Variants in IREB2 observed in about 807,000 individuals in gnomAD.
IREB2 encodes iron responsive element binding protein 2, also known as iron-responsive element-binding protein 2.
Under a neutral mutation model 118.8 loss-of-function variants are expected in IREB2, and 39 were observed. The observed-to-expected ratio is 0.33, with a 90% CI of 0.25 to 0.43. IREB2 has a LOEUF of 0.43. IREB2 is among the 20% of genes least tolerant of loss of function. The pLI, the probability that IREB2 is intolerant of heterozygous loss-of-function variation, is 1.00. For synonymous variants in IREB2, 372 were observed against 392.2 expected (o/e 0.95, Z 0.61); for missense variants, 900 against 1,147.3 (o/e 0.78, Z 3.11).
At chr15:78,495,977 T>C (rs1439011065) in intron 20 of IREB2, among the ~76,000 whole-genome samples, 1 of 152,198 alleles carries the variant, frequency 6.6e-6, no homozygotes, top group Non-Finnish European at 1.5e-5. Flanking sequence ...ACCTCTACTC[T>C]TGTGGAGTGG....
intron 2 of IREB2, among the ~76,000 whole-genome samples, chr15:78,448,593 T>A (rs1487456017): frequency 1.3e-5 from 2 of 152,242 alleles, no homozygotes; most frequent in Non-Finnish European, 1.5e-5. Flanking sequence ...CAGAAACACT[T>A]ACTTGACTCT....
chr15:78,465,210 A>G, intron 3 of IREB2, 41 bp from the exon 4 acceptor site: 1 of 1,546,106 alleles, frequency 6.5e-7, no homozygotes, highest in Non-Finnish European at 8.8e-7. Context: ...CATGTATAAA[A>G]AACAATTTGG....
intron 3 of IREB2, 67 bp downstream of exon 3, chr15:78,463,154 CTT>C: frequency 7.4e-7 from 1 of 1,347,376 alleles, no homozygotes; most frequent in Non-Finnish European, 1.0e-6. Context: ...AATACAGACT[CTT>C]GGGTAGGTGT....
intron 2 of IREB2, among the ~76,000 whole-genome samples, chr15:78,455,399 T>C (rs2051090233): frequency 6.6e-6 from 1 of 152,092 alleles, no homozygotes; most frequent in South Asian, 2.1e-4. Flanking sequence ...ACTTTATACC[T>C]GTTTGAAAGT....
Position 78,494,123 on chromosome 15 carries a change from T to C in IREB2, c.2473-19T>C. On this transcript the variant is annotated intron_variant, in intron 19 of 21. Transcript: ENST00000258886. ...TCAAAATTTGTATTAAAAAATTTTGTGTTTGTTTTAATCTACAGCTAGATG... is the reference window on the plus strand; with the variant it reads ...TCAAAATTTGTATTAAAAAATTTTGCGTTTGTTTTAATCTACAGCTAGATG... 6.2e-7 allele frequency: 1 copy of C among 1,612,758 alleles called. No homozygotes were observed. The highest frequency in any genetic ancestry group is 8.5e-7 in the Non-Finnish European group (1 of 1,179,566).
intron 16 of IREB2, among the ~76,000 whole-genome samples, chr15:78,489,910 A>AT (rs2051720682): frequency 6.6e-6 from 1 of 152,246 alleles, no homozygotes; most frequent in African/African-American, 2.4e-5. Context: ...ATTCTTAGAC[A>AT]TTAACAGCAT....
chr15:78,489,848 G>A (rs965647625), intron 16 of IREB2, among the ~76,000 whole-genome samples: 3 of 152,166 alleles, frequency 2.0e-5, no homozygotes, highest in East Asian at 1.9e-4. Context: ...GTTTGAAGGC[G>A]TTGATGTGGA....
At chr15:78,456,005 T>C (rs1284512890) in intron 2 of IREB2, among the ~76,000 whole-genome samples, 1 of 152,200 alleles carries the variant, frequency 6.6e-6, no homozygotes, top group Non-Finnish European at 1.5e-5. Flanking sequence ...AGTCTCATAA[T>C]AGGCTGCTGG....
intron 20 of IREB2, among the ~76,000 whole-genome samples, chr15:78,496,432 A>G (rs953212037): frequency 5.3e-5 from 8 of 151,832 alleles, no homozygotes; most frequent in Non-Finnish European, 1.0e-4. Flanking sequence ...ATGTCCAGCT[A>G]ATTTTTCTGT....
chr15:78,476,096 T>C, intron 8 of IREB2, 92 bp from the exon 9 acceptor site: 1 of 887,196 alleles, frequency 1.1e-6, no homozygotes, highest in Non-Finnish European at 1.7e-6. Flanking sequence ...ATCACTAGTA[T>C]TGGTTAAAAA....
chr15:78,494,323 GT>G (rs1378895495), intron 20 of IREB2, 59 bp downstream of exon 20: 2 of 1,520,730 alleles, frequency 1.3e-6, no homozygotes, highest in Non-Finnish European at 1.8e-6. Context: ...GTTCCCTTTT[GT>G]CAGTAACATC....
At chr15:78,495,320 T>C (rs1043661887) in intron 20 of IREB2, among the ~76,000 whole-genome samples, 1 of 152,192 alleles carries the variant, frequency 6.6e-6, no homozygotes, top group African/African-American at 2.4e-5. Context: ...ATAGGTTATT[T>C]TTATCCTGGA....
intron 8 of IREB2, 82 bp from the exon 9 acceptor site, chr15:78,476,106 A>G: frequency 3.7e-6 from 4 of 1,087,584 alleles, no homozygotes; most frequent in Non-Finnish European, 3.9e-6. Flanking sequence ...TTGGTTAAAA[A>G]TTTTATTTTA....
At chr15:78,492,502 C>T (rs1312343743) in intron 18 of IREB2, among the ~76,000 whole-genome samples, 1 of 152,146 alleles carries the variant, frequency 6.6e-6, no homozygotes, top group Non-Finnish European at 1.5e-5. Flanking sequence ...CTTTAACCAG[C>T]CTTTCATGTA....
At chr15:78,445,476 A>T (rs1489244504) in intron 2 of IREB2, among the ~76,000 whole-genome samples, 1 of 152,108 alleles carries the variant, frequency 6.6e-6, no homozygotes, top group African/African-American at 2.4e-5. Flanking sequence ...AAGAACAAAA[A>T]CTCACTCAAG....
In IREB2 at chr15:78,438,299, G is replaced by T. The variant is rs200141558; in HGVS notation, c.-39G>T. ...TGCCCGGCCTCCCCCTTCTTCCCCC[G>T]CTGGCCCCCTCCCCGGAGGGATAAT... On this transcript the variant is annotated 5_prime_UTR_variant, in exon 1 of 22. Coordinates refer to ENST00000258886, the MANE Select transcript of IREB2 (RefSeq NM_004136.4). 446 of 1,534,726 alleles carry T rather than the reference G, an allele frequency of 2.9e-4. No homozygotes were observed. The highest frequency in any genetic ancestry group is 3.8e-4 in the Non-Finnish European group (428 of 1,128,220).
At chr15:78,488,457 A>T (rs1212016309) in intron 15 of IREB2, 121 bp downstream of exon 15, 3 of 986,746 alleles carry the variant, frequency 3.0e-6, no homozygotes, top group African/African-American at 3.3e-5. Context: ...ACGTATGATA[A>T]TGTATAGTTA....
Position 78,488,331 on chromosome 15 carries a change from C to T in IREB2, c.1946C>T (p.Pro649Leu). ...GTGAATATAGATTTCCAGACAGAAC[C>T]TTTAGGTATCTTTTCCTTTATGTAT... ...GTVNIDFQTE[P>L]LGTDPTGKNI... is the part of the protein sequence containing the mutation. Residue 649 changes from proline (P) to leucine (L), a missense_variant, in exon 15 of 22, where the codon CCT becomes CTT. Coordinates refer to ENST00000258886, the MANE Select transcript of IREB2 (RefSeq NM_004136.4). The T allele has an allele frequency of 6.3e-7, 1 of 1,579,768 alleles. No individual in the cohort carries two copies. The highest frequency in any genetic ancestry group is 8.5e-7 in the Non-Finnish European group (1 of 1,170,118).
chr15:78,491,747 C>T lies in IREB2; in HGVS notation c.2324+986C>T, dbSNP rs888135190. ...TCCTGACCAAGTGATCCGCCCACCT[C>T]GGCCCCCCAAATTGCTGGGATTACA... is the stretch of plus-strand genomic sequence containing the variant. On this transcript the variant is annotated intron_variant, in intron 18 of 21. Coordinates refer to ENST00000258886, the MANE Select transcript of IREB2 (RefSeq NM_004136.4). 5.3e-5 allele frequency among the ~76,000 whole-genome samples: 8 copies of T among 152,162 alleles called. No individual in the cohort carries two copies. In the East Asian group the frequency reaches 5.8e-4, roughly 11 times the overall value.
Sources: gnomAD v4.1 joint callset for allele counts (sites outside exome capture counted in the v4.1 genomes callset) on GRCh38, gnomAD v4.1.1 for gene constraint, MANE v1.5 for transcripts, NCBI Gene and HGNC (gene_info 2026-07-23, HGNC 2026-07-21) for gene names.